Variants in CSMD3 observed in about 807,000 individuals in gnomAD.
CSMD3 encodes CUB and Sushi multiple domains 3.
In CSMD3, 177 loss-of-function variants were observed where a neutral mutation model predicts 435.2. That is an observed-to-expected ratio of 0.41 (90% CI 0.36 to 0.46). The LOEUF is 0.46. Ranked by LOEUF, CSMD3 falls within the 20% of genes least tolerant of loss-of-function variation. The pLI, the probability that CSMD3 is intolerant of heterozygous loss-of-function variation, is 0.34. For synonymous variants in CSMD3, 1,656 were observed against 1,520.5 expected (o/e 1.09, Z -2.07); for missense variants, 4,265 against 4,504.6 (o/e 0.95, Z 1.52).
intron 17 of CSMD3, among the ~76,000 whole-genome samples, chr8:112,665,187 T>A (rs1420034327): frequency 1.3e-5 from 2 of 152,174 alleles, no homozygotes; most frequent in Non-Finnish European, 2.9e-5. Context: ...CTAATCAAGC[T>A]GTTTCTTTAT....
chr8:112,238,390 A>G (rs904619219), intron 66 of CSMD3, among the ~76,000 whole-genome samples: 2 of 152,086 alleles, frequency 1.3e-5, no homozygotes, highest in African/African-American at 2.4e-5. Flanking sequence ...CCTGAATTCT[A>G]TTAAACCAAG....
At position 112,875,002 on chromosome 8, in the gene CSMD3, C is replaced by T. The variant is rs146944878; in HGVS notation, c.1634-15736G>A. Among the ~76,000 whole-genome samples the T allele has an allele frequency of 8.4e-4, 128 of 152,210 alleles. 3 individuals carry two copies. The East Asian group carries it at 9.3e-3, about 11-fold the overall frequency. ...TTTTGTTCATTAGTTGATGCAGTTT[C>T]TTCATAGTGTCGATGGACTTCACAG... On this transcript the variant is annotated intron_variant, in intron 10 of 70. Coordinates refer to ENST00000297405, the MANE Select transcript of CSMD3 (RefSeq NM_198123.2).
intron 10 of CSMD3, among the ~76,000 whole-genome samples, chr8:112,870,526 T>G (rs993078167): frequency 4.0e-5 from 6 of 151,784 alleles, no homozygotes; most frequent in African/African-American, 1.5e-4. Context: ...TCCACCCACC[T>G]CGGCCTCCCA....
rs2094132053 is a variant in CSMD3, at chr8:113,343,291, T to C, written c.179-28498A>G. On this transcript the variant is annotated intron_variant, in intron 1 of 70. Transcript: ENST00000297405. ...TTAATGAGTTAATCAATAGGAAATG[T>C]TGGTACAGAAATGGGAACTATAAAA... 1.3e-5 allele frequency among the ~76,000 whole-genome samples: 2 copies of C among 152,060 alleles called. 1 individual carries two copies. The highest frequency in any genetic ancestry group is 4.1e-4 in the South Asian group (2 of 4,828).
chr8:112,263,927 A>G (rs1398542633), intron 60 of CSMD3, 115 bp from the exon 61 acceptor site: 2 of 912,602 alleles, frequency 2.2e-6, no homozygotes, highest in African/African-American at 1.7e-5. Context: ...TTCGAGGACA[A>G]TATGTTGTGA....
At chr8:112,858,713 A>G (rs1351624275) in intron 11 of CSMD3, among the ~76,000 whole-genome samples, 1 of 151,888 alleles carries the variant, frequency 6.6e-6, no homozygotes, top group Admixed American at 6.6e-5. Context: ...GAGCACATTA[A>G]ACCAACTATT....
chr8:112,373,419 T>C (rs1828629786), intron 38 of CSMD3, among the ~76,000 whole-genome samples: 1 of 151,864 alleles, frequency 6.6e-6, no homozygotes, highest in Non-Finnish European at 1.5e-5. Flanking sequence ...CCACCCTGTT[T>C]ACACACACAC....
chr8:113,406,964 G>A (rs2094535580), intron 1 of CSMD3, among the ~76,000 whole-genome samples: 1 of 152,006 alleles, frequency 6.6e-6, no homozygotes, highest in Admixed American at 6.6e-5. Context: ...TACTCTTCTT[G>A]GTTGGTAGTG....
chr8:113,318,027 T>C (rs750715382), intron 1 of CSMD3, among the ~76,000 whole-genome samples: 3 of 152,190 alleles, frequency 2.0e-5, no homozygotes, highest in Non-Finnish European at 4.4e-5. Context: ...TGAGCAACTG[T>C]GTAAAAACAA....
At chr8:112,703,414 C>A (rs2076432588) in intron 13 of CSMD3, among the ~76,000 whole-genome samples, 1 of 152,152 alleles carries the variant, frequency 6.6e-6, no homozygotes, top group Non-Finnish European at 1.5e-5. Flanking sequence ...GTTTAAATGG[C>A]AGTGGCTAAA....
intron 6 of CSMD3, among the ~76,000 whole-genome samples, chr8:113,012,496 A>G (rs1230353717): frequency 6.6e-6 from 1 of 151,766 alleles, no homozygotes; most frequent in African/African-American, 2.4e-5. Flanking sequence ...TAAGAGAGGG[A>G]AGTGATTGGA....
chr8:113,131,108 G>A (rs1335177727), intron 4 of CSMD3, among the ~76,000 whole-genome samples: 3 of 152,080 alleles, frequency 2.0e-5, no homozygotes, highest in Non-Finnish European at 4.4e-5. Context: ...ATATTTAAAA[G>A]GGAAGCAGAA....
intron 63 of CSMD3, among the ~76,000 whole-genome samples, chr8:112,252,602 G>A (rs909597790): frequency 6.7e-6 from 1 of 150,242 alleles, no homozygotes; most frequent in Non-Finnish European, 1.5e-5. Context: ...CAATAAATTA[G>A]TATTAATTAG....
At chr8:113,017,208 A>C (rs1394491708) in intron 6 of CSMD3, among the ~76,000 whole-genome samples, 1 of 151,948 alleles carries the variant, frequency 6.6e-6, no homozygotes, top group Admixed American at 6.6e-5. Context: ...GCTACTTTTC[A>C]GTGCCGAAAA....
intron 10 of CSMD3, among the ~76,000 whole-genome samples, chr8:112,893,138 T>TA (rs2081850585): frequency 6.6e-6 from 1 of 151,332 alleles, no homozygotes. Flanking sequence ...CTACTACTAC[T>TA]ATCAGCTTAA....
intron 4 of CSMD3, among the ~76,000 whole-genome samples, chr8:113,157,257 A>G (rs2091952912): frequency 6.6e-6 from 1 of 152,084 alleles, no homozygotes; most frequent in Admixed American, 6.6e-5. Flanking sequence ...TTCTGGTACT[A>G]AAAGGGCAAC....
chr8:112,994,358 G>C (rs1395791357), intron 6 of CSMD3, among the ~76,000 whole-genome samples: 2 of 151,466 alleles, frequency 1.3e-5, no homozygotes, highest in Non-Finnish European at 3.0e-5. Context: ...ACATACAAAA[G>C]ACAACTAAAA....
At chr8:113,332,596 A>G (rs1020893074) in intron 1 of CSMD3, among the ~76,000 whole-genome samples, 2 of 151,732 alleles carry the variant, frequency 1.3e-5, no homozygotes, top group East Asian at 1.9e-4. Flanking sequence ...TATACTAAAT[A>G]CTACAAAAAT....
chr8:112,458,240 T>G (rs5004568), intron 32 of CSMD3, among the ~76,000 whole-genome samples: 30,659 of 119,414 alleles, frequency 0.26, 3,777 homozygotes, highest in East Asian at 0.42. Flanking sequence ...GAAACAGAGA[T>G]AGAGAAAATA....
Sources: allele counts gnomAD v4.1 joint callset (sites outside exome capture counted in the v4.1 genomes callset), GRCh38; gene constraint gnomAD v4.1.1; transcripts MANE v1.5; gene names NCBI Gene and HGNC (gene_info 2026-07-23, HGNC 2026-07-21).